The following CTNNA1 variants were observed in gnomAD, a reference collection of about 807,000 sequenced individuals.
CTNNA1 encodes the protein catenin alpha-1.
A neutral mutation model predicts 98.4 loss-of-function variants in CTNNA1; 37 were observed. The observed-to-expected ratio is 0.38, with a 90% CI of 0.29 to 0.49. The LOEUF (loss-of-function observed/expected upper bound fraction) is 0.49. CTNNA1 is among the 20% of genes least tolerant of loss of function. The probability of loss-of-function intolerance (pLI) is 0.95; values close to 1 mark genes in which losing one functional copy is unlikely to be tolerated. For synonymous variants in CTNNA1, 404 were observed against 413.2 expected, an observed-to-expected ratio of 0.98 and a Z score of 0.27; for missense variants, 761 against 1,147.2, an observed-to-expected ratio of 0.66 and a Z score of 4.86.
chr5:138,792,861 A>G (rs1023924962), intron 3 of CTNNA1, among the ~76,000 whole-genome samples: 1 of 152,220 alleles, frequency 6.6e-6, no homozygotes, highest in Admixed American at 6.5e-5. Context: ...TAGTACAATA[A>G]CTTTATTAAA....
intron 7 of CTNNA1, among the ~76,000 whole-genome samples, chr5:138,881,432 G>A (rs1752876169): frequency 6.6e-6 from 1 of 152,184 alleles, no homozygotes; most frequent in Non-Finnish European, 1.5e-5. Flanking sequence ...TTAAATATAT[G>A]TTGTATGACA....
At chr5:138,798,249 A>T (rs1200044025) in intron 3 of CTNNA1, among the ~76,000 whole-genome samples, 1 of 152,222 alleles carries the variant, frequency 6.6e-6, no homozygotes, top group Non-Finnish European at 1.5e-5. Flanking sequence ...AAAACAACTG[A>T]GTAAGGTATG....
intron 9 of CTNNA1, among the ~76,000 whole-genome samples, chr5:138,890,386 G>C (rs1755084216): frequency 6.6e-6 from 1 of 152,148 alleles, no homozygotes; most frequent in South Asian, 2.1e-4. Flanking sequence ...CAAGTTCTGG[G>C]GTCCCCAGGC....
At chr5:138,921,202 C>A (rs922265736) in intron 11 of CTNNA1, among the ~76,000 whole-genome samples, 1 of 152,208 alleles carries the variant, frequency 6.6e-6, no homozygotes, top group Non-Finnish European at 1.5e-5. Context: ...GATAAAGACT[C>A]TTTGAATTTC....
At chr5:138,783,564 C>T (rs911538696) in intron 3 of CTNNA1, among the ~76,000 whole-genome samples, 192 bp downstream of exon 3, 5 of 152,060 alleles carry the variant, frequency 3.3e-5, no homozygotes, top group African/African-American at 1.2e-4. Context: ...GCCAGTTGCT[C>T]AGTAACTTAG....
chr5:138,762,827 G>T (rs549164836), intron 1 of CTNNA1, among the ~76,000 whole-genome samples: 39 of 151,984 alleles, frequency 2.6e-4, no homozygotes, highest in African/African-American at 9.4e-4. Context: ...TTAAAAGGAG[G>T]GATGGAACTA....
chr5:138,778,864 G>C (rs1055040447), intron 1 of CTNNA1, among the ~76,000 whole-genome samples: 3 of 152,024 alleles, frequency 2.0e-5, no homozygotes, highest in African/African-American at 7.3e-5. Flanking sequence ...AGTCTTTTAT[G>C]AGGGATCTAG....
In CTNNA1 at chr5:138,780,988, G is replaced by T. The variant is rs76105056; in HGVS notation, c.-2-935G>T. 1.3e-4 allele frequency among the ~76,000 whole-genome samples: 20 copies of T among 152,156 alleles called. No homozygotes were observed. The East Asian group carries it at 3.7e-3, about 28-fold the overall frequency. ...ATGTTTTCTCCCTATTCTTAAAGCC[G>T]CTGTCTGACAGAAGTTTCTCTTGAC... On this transcript the variant is annotated intron_variant, in intron 1 of 17. Coordinates refer to ENST00000302763, the MANE Select transcript of CTNNA1 (RefSeq NM_001903.5).
chr5:138,773,026 CAG>C lies in CTNNA1; in HGVS notation c.-2-8894_-2-8893del, dbSNP rs554005857. 1.0e-3 allele frequency among the ~76,000 whole-genome samples: 158 copies of C among 152,278 alleles called. 2 individuals carry two copies. The highest frequency in any genetic ancestry group is 1.9e-3 in the Non-Finnish European group (128 of 68,024). Reference sequence around the variant, plus strand: ...AAGGTGAAGTGACTTAATCAAAAGTCAGAGGATAAGTGACAGTGCTGGTTCCA... The same window carrying C: ...AAGGTGAAGTGACTTAATCAAAAGTCAGGATAAGTGACAGTGCTGGTTCCA... On this transcript the variant is annotated intron_variant, in intron 1 of 17. Coordinates refer to ENST00000302763, the MANE Select transcript of CTNNA1 (RefSeq NM_001903.5).
intron 10 of CTNNA1, among the ~76,000 whole-genome samples, chr5:138,909,454 G>A (rs1760073234): frequency 6.6e-6 from 1 of 151,204 alleles, no homozygotes; most frequent in Admixed American, 6.6e-5. Context: ...GACCTCCTAG[G>A]TTTAAGCAGT....
rs1302655255 is a variant in CTNNA1, at chr5:138,873,366, T to G, written c.1063-12846T>G. On this transcript the variant is annotated intron_variant, in intron 7 of 17. Coordinates refer to ENST00000302763, the MANE Select transcript of CTNNA1 (RefSeq NM_001903.5). This position sits in a 1 kb window ranked among gnomAD's most constrained non-coding sequence, Gnocchi z 6.1. Reference sequence around the variant, plus strand: ...GTAGTAACTGCTATGCCTGCAGTAGTTGGGATTTCTTTGTCTCCCACATGG... The same window carrying G: ...GTAGTAACTGCTATGCCTGCAGTAGGTGGGATTTCTTTGTCTCCCACATGG... 1.3e-5 allele frequency: 21 copies of G among 1,613,992 alleles called. No individual in the cohort carries two copies. Among genetic ancestry groups the G allele is most frequent in the Non-Finnish European group, 1.8e-5 (21 of 1,179,812 alleles).
chr5:138,865,220 C>T (rs1764648516), intron 7 of CTNNA1, among the ~76,000 whole-genome samples: 1 of 152,156 alleles, frequency 6.6e-6, no homozygotes, highest in South Asian at 2.1e-4. Flanking sequence ...GTTGTCTGGT[C>T]CCAGGGATGT....
At chr5:138,884,117 C>T (rs1395168654) in intron 7 of CTNNA1, among the ~76,000 whole-genome samples, 7 of 152,198 alleles carry the variant, frequency 4.6e-5, no homozygotes, top group Admixed American at 3.9e-4. Flanking sequence ...TATAGGTAGA[C>T]ATCAATCAAC....
intron 10 of CTNNA1, among the ~76,000 whole-genome samples, chr5:138,914,973 C>T (rs1561727761): frequency 2.0e-5 from 3 of 152,118 alleles, no homozygotes; most frequent in Middle Eastern, 3.4e-3. Flanking sequence ...CGATAAAACC[C>T]CATCTCTACC....
intron 10 of CTNNA1, among the ~76,000 whole-genome samples, chr5:138,911,891 A>G (rs77413701): frequency 0.016 from 2,495 of 152,326 alleles, 77 homozygotes; most frequent in African/African-American, 0.056. Flanking sequence ...ATGTGAGGTG[A>G]GAGAGAAAAA....
intron 1 of CTNNA1, among the ~76,000 whole-genome samples, chr5:138,765,125 C>G (rs897837543): frequency 1.3e-5 from 2 of 152,008 alleles, no homozygotes; most frequent in African/African-American, 4.8e-5. Context: ...ACTGCAACCT[C>G]CGCCTCCCAG....
At chr5:138,848,785 C>T (rs1467942042) in intron 7 of CTNNA1, among the ~76,000 whole-genome samples, 2 of 152,012 alleles carry the variant, frequency 1.3e-5, no homozygotes, top group Admixed American at 6.5e-5. Flanking sequence ...AGTGCAGTGG[C>T]GTGAGCTTGG....
intron 7 of CTNNA1, among the ~76,000 whole-genome samples, chr5:138,847,420 C>T (rs1581250715): frequency 3.9e-5 from 6 of 152,278 alleles, no homozygotes; most frequent in South Asian, 2.1e-4. Context: ...CTGCCTCAGC[C>T]TCCCAGAGTG....
intron 7 of CTNNA1, among the ~76,000 whole-genome samples, chr5:138,837,947 T>C (rs1761949552): frequency 6.6e-6 from 1 of 152,058 alleles, no homozygotes; most frequent in Non-Finnish European, 1.5e-5. Context: ...AGAGACCGCA[T>C]GGCCCCAGAG....
Sources: gnomAD v4.1 joint callset for allele counts (sites outside exome capture counted in the v4.1 genomes callset) on GRCh38, gnomAD v4.1.1 for gene constraint, Gnocchi (gnomAD v3.1) non-coding constraint, MANE v1.5 for transcripts, NCBI Gene and HGNC (gene_info 2026-07-23, HGNC 2026-07-21) for gene names.